The following MIOS variants were observed in gnomAD, a reference collection of about 807,000 sequenced individuals.
The protein encoded by MIOS is GATOR2 complex protein MIOS.
In MIOS, 52 loss-of-function variants were observed where a neutral mutation model predicts 96.9. The ratio of observed to expected loss-of-function variants is 0.54; its 90% CI spans 0.43 to 0.68. MIOS has a LOEUF of 0.68. Ranked by LOEUF, MIOS falls within the 30% of genes least tolerant of loss-of-function variation. MIOS has a pLI of 0.00. For missense variants in MIOS, 1,005 were observed against 1,052.8 expected (o/e 0.95, Z 0.63); for synonymous variants, 397 against 359.5 (o/e 1.10, Z -1.18).
rs1395710504 is a variant in MIOS, at chr7:7,573,310, A to G, written c.835A>G (p.Arg279Gly). Residue 279 changes from arginine (R) to glycine (G), a missense_variant, in exon 4 of 13, where the codon AGG (arginine) becomes GGG (glycine). Transcript: ENST00000340080. The surrounding 1 kb of genome is among the most constrained non-coding windows in gnomAD (Gnocchi z 5.0). ...PLTKVAWCPTRTGLLATLTRD... is the reference protein window; with the variant it reads ...PLTKVAWCPTGTGLLATLTRD... ...AACAAAAGTAGCATGGTGTCCCACTAGGACTGGTCTACTTGCCACTTTAAC... is the reference window on the plus strand; with the variant it reads ...AACAAAAGTAGCATGGTGTCCCACTGGGACTGGTCTACTTGCCACTTTAAC... 6.2e-7 allele frequency: 1 copy of G among 1,614,004 alleles called. No homozygotes were observed. The highest frequency in any genetic ancestry group is 1.3e-5 in the African/African-American group (1 of 74,938).
At chr7:7,606,340 G>T (rs1047150649) in intron 12 of MIOS, among the ~76,000 whole-genome samples, 1 of 152,118 alleles carries the variant, frequency 6.6e-6, no homozygotes, top group Non-Finnish European at 1.5e-5. Context: ...TTTATTCGGG[G>T]AGAGGATATG....
rs575934162 is a variant in MIOS at position 7,607,638 on chromosome 7, ATGTGTGTG to A, written c.*550_*557del. 629 of 152,194 alleles carry A rather than the reference ATGTGTGTG, an allele frequency of 4.1e-3. 3 individuals are homozygous for A. Among genetic ancestry groups the A allele is most frequent in the Middle Eastern group, 0.01 (3 of 294 alleles). 9.4% of individuals were successfully genotyped at this position (152,194 alleles called of 1,614,324 possible). On this transcript the variant is annotated 3_prime_UTR_variant, in exon 13 of 13. Coordinates refer to ENST00000340080, the MANE Select transcript of MIOS (RefSeq NM_019005.4). Reference sequence around the variant, plus strand: ...ATTACTGTCTGTTATATATGTGTCTATGTGTGTGTGTATATTTATGTGTGTATGTATAA... The same window carrying A: ...ATTACTGTCTGTTATATATGTGTCTATGTATATTTATGTGTGTATGTATAA...
chr7:7,571,864 T>A (rs1436873397), intron 3 of MIOS, among the ~76,000 whole-genome samples: 1 of 152,262 alleles, frequency 6.6e-6, no homozygotes, highest in East Asian at 1.9e-4. Context: ...TCTCCATTGT[T>A]CATTACGATG....
chr7:7,603,005 C>G (rs1463822679), intron 11 of MIOS, among the ~76,000 whole-genome samples: 1 of 151,376 alleles, frequency 6.6e-6, no homozygotes, highest in East Asian at 1.9e-4. Flanking sequence ...GCTGGGAAAA[C>G]TGGCTAGCCA....
In MIOS at chr7:7,594,997, T is replaced by A; in HGVS notation, c.2061T>A (p.Val687=). ...CGTTTTAGGGTTCACCTTTAGATGT[T>A]CTTAAAGATGAAAGGGTTCAGTACT... ...YCMLQGSPLD[V]LKDERVQYWI... is the part of the protein sequence containing the mutation. The change falls in exon 10 of 13, where the codon GTT becomes GTA. Residue 687 remains valine, a synonymous_variant. Coordinates refer to ENST00000340080, the MANE Select transcript of MIOS (RefSeq NM_019005.4). The A allele has an allele frequency of 1.2e-6, 2 of 1,607,026 alleles. No individual in the cohort carries two copies. The highest frequency in any genetic ancestry group is 1.7e-6 in the Non-Finnish European group (2 of 1,177,584).
chr7:7,574,236 A>G (rs771745406), intron 5 of MIOS, 40 bp downstream of exon 5: 30 of 1,439,834 alleles, frequency 2.1e-5, no homozygotes, highest in Non-Finnish European at 2.9e-6. Context: ...TATGTTTATA[A>G]CTTTTGTACT....
At position 7,602,148 on chromosome 7, in the gene MIOS, C is replaced by G. The variant is rs1784398601; in HGVS notation, c.2402-3794C>G. ...ATGGACAAAAAACTGGAAGCATTCC[C>G]TTTGAAAACTGGCACAAGACAGGGA... On this transcript the variant is annotated intron_variant, in intron 11 of 12. Transcript: ENST00000340080. Among the ~76,000 whole-genome samples, 3 of 152,200 alleles carry G rather than the reference C, an allele frequency of 2.0e-5. No homozygotes were observed. The South Asian group carries it at 6.2e-4, about 31-fold the overall frequency.
Position 7,595,013 on chromosome 7 carries a change from G to T in MIOS, c.2077G>T (p.Val693Phe). Reference protein sequence around the residue: ...SPLDVLKDERVQYWIENYRNL... With the variant: ...SPLDVLKDERFQYWIENYRNL... ...TTTAGATGTTCTTAAAGATGAAAGG[G>T]TTCAGTACTGGATTGAGAATTATAG... The change falls in exon 10 of 13, where the codon GTT (valine) becomes TTT (phenylalanine). Residue 693 changes from valine to phenylalanine, a missense_variant. This residue lies in a region of MIOS where 865 missense variants were observed against 887.9 expected (regional missense o/e 0.97). Coordinates refer to ENST00000340080, the MANE Select transcript of MIOS (RefSeq NM_019005.4). 4 of 1,612,230 alleles carry T rather than the reference G, an allele frequency of 2.5e-6. No individual in the cohort carries two copies. Among genetic ancestry groups the T allele is most frequent in the Non-Finnish European group, 3.4e-6 (4 of 1,179,188 alleles).
intron 10 of MIOS, 35 bp downstream of exon 10, chr7:7,595,167 A>C: frequency 1.3e-6 from 2 of 1,582,930 alleles, no homozygotes; most frequent in East Asian, 4.5e-5. Context: ...TCAAATTGTA[A>C]CATGTTGATG....
chr7:7,589,609 A>T lies in MIOS; in HGVS notation c.2043+46A>T, dbSNP rs368620487. On this transcript the variant is annotated intron_variant, in intron 9 of 12. Transcript: ENST00000340080. ...GCTTTTAAAAAAGTAACAATATTCT[A>T]TATTTTCTTTCCTCAGTTGAAAGTA... 2.1e-5 allele frequency: 32 copies of T among 1,554,820 alleles called. No homozygotes were observed. The African/African-American group carries it at 4.0e-4, about 19-fold the overall frequency.
intron 11 of MIOS, among the ~76,000 whole-genome samples, chr7:7,602,652 A>G (rs1784413504): frequency 6.6e-6 from 1 of 152,230 alleles, no homozygotes; most frequent in African/African-American, 2.4e-5. Context: ...ATACTGCCCA[A>G]GGTAATTTAT....
chr7:7,603,580 G>C (rs1344886793), intron 11 of MIOS, among the ~76,000 whole-genome samples: 1 of 152,196 alleles, frequency 6.6e-6, no homozygotes, highest in Non-Finnish European at 1.5e-5. Context: ...TGGAGAGGAT[G>C]TGAAGAAATA....
In MIOS at chr7:7,606,866, A is replaced by G; in HGVS notation, c.2532-130A>G. 7.4e-6 allele frequency: 5 copies of G among 673,558 alleles called. 1 individual carries two copies. In the South Asian group the frequency reaches 8.9e-5, roughly 12 times the overall value. The allele number at this position is 673,558 out of a possible 1,614,324, so 41.7% of individuals were successfully genotyped here. A position where few individuals can be genotyped will look rare whatever the true frequency, so the allele number is the denominator to read the frequency against. Reference sequence around the variant, plus strand: ...CTCAGGAGGCTGAGGCAGGAGGATCACTTGAGCCCAAAAGTGTGCGTACAG... The same window carrying G: ...CTCAGGAGGCTGAGGCAGGAGGATCGCTTGAGCCCAAAAGTGTGCGTACAG... On this transcript the variant is annotated intron_variant, in intron 12 of 12. Coordinates refer to ENST00000340080, the MANE Select transcript of MIOS (RefSeq NM_019005.4).
chr7:7,569,130 TGATGTCTCCAA>T (rs1358182963), intron 3 of MIOS, among the ~76,000 whole-genome samples: 5 of 152,228 alleles, frequency 3.3e-5, no homozygotes, highest in African/African-American at 9.6e-5. Flanking sequence ...CCAGATCTCA[TGATGTCTCCAA>T]TTAAGAGATT....
intron 10 of MIOS, among the ~76,000 whole-genome samples, chr7:7,595,937 C>G (rs1166722608): frequency 6.6e-6 from 1 of 152,084 alleles, no homozygotes; most frequent in Non-Finnish European, 1.5e-5. Flanking sequence ...GTTTAGAAGT[C>G]ATATTGGGAT....
intron 11 of MIOS, among the ~76,000 whole-genome samples, chr7:7,597,693 G>T (rs6949441): frequency 0.95 from 144,092 of 151,312 alleles, 68,673 homozygotes; most frequent in East Asian, 1. Context: ...GTTCGTTTTT[G>T]TTTGTTTGTT....
In MIOS at chr7:7,573,513, A is replaced by G. The variant is rs1434051678; in HGVS notation, c.1038A>G (p.Thr346=). 1 of 1,614,036 alleles carries G rather than the reference A, an allele frequency of 6.2e-7. No individual in the cohort carries two copies. Among genetic ancestry groups the G allele is most frequent in the Non-Finnish European group, 8.5e-7 (1 of 1,179,976 alleles). Reference sequence around the variant, plus strand: ...TGATAGTTGTAACTCCCAACCGAACAATGTCAGACTTCACTGTTTTTGAAA... The same window carrying G: ...TGATAGTTGTAACTCCCAACCGAACGATGTCAGACTTCACTGTTTTTGAAA... ...NRMIVVTPNR[T]MSDFTVFERI... Residue 346 remains threonine, a synonymous_variant, in exon 4 of 13, where the codon ACA becomes ACG. Coordinates refer to ENST00000340080, the MANE Select transcript of MIOS (RefSeq NM_019005.4). This position sits in a 1 kb window ranked among gnomAD's most constrained non-coding sequence, Gnocchi z 5.0.
chr7:7,568,288 T>A (rs539753584), intron 3 of MIOS, among the ~76,000 whole-genome samples, 165 bp downstream of exon 3: 4 of 152,358 alleles, frequency 2.6e-5, no homozygotes, highest in Admixed American at 2.6e-4. Context: ...TTCAGTTGAT[T>A]GTCACAGCTT....
chr7:7,570,916 T>C (rs574632386), intron 3 of MIOS, among the ~76,000 whole-genome samples: 4 of 152,012 alleles, frequency 2.6e-5, no homozygotes, highest in Admixed American at 6.6e-5. Context: ...GCCCTGGGAG[T>C]TGGGGACCCC....
Sources: allele counts gnomAD v4.1 joint callset (sites outside exome capture counted in the v4.1 genomes callset), GRCh38; gene constraint gnomAD v4.1.1; regional missense constraint gnomAD v4.1.1; non-coding constraint Gnocchi (gnomAD v3.1); transcripts MANE v1.5; gene names NCBI Gene and HGNC (gene_info 2026-07-23, HGNC 2026-07-21).